The following C1GALT1 variants were observed in gnomAD, a reference collection of about 807,000 sequenced individuals.
C1GALT1 encodes the protein core 1 synthase, glycoprotein-N-acetylgalactosamine 3-beta-galactosyltransferase 1.
Under a neutral mutation model 31.0 loss-of-function variants are expected in C1GALT1, and 11 were observed. The ratio of observed to expected loss-of-function variants is 0.36; its 90% confidence interval spans 0.22 to 0.59. The LOEUF (loss-of-function observed/expected upper bound fraction) is 0.59, where lower values mean the gene tolerates loss of function less well. Ranked by LOEUF, C1GALT1 falls within the 20% of genes least tolerant of loss-of-function variation. The pLI is 0.79. For synonymous variants in C1GALT1, 175 were observed against 143.6 expected, an observed-to-expected ratio of 1.22 and a Z score of -1.56; for missense variants, 424 against 425.2, an observed-to-expected ratio of 1.00 and a Z score of 0.03.
intron 1 of C1GALT1, among the ~76,000 whole-genome samples, chr7:7,192,654 C>T (rs10253167): frequency 0.69 from 105,122 of 151,540 alleles, 37,179 homozygotes; most frequent in East Asian, 0.94. Context: ...ACTTCTTTTT[C>T]TCTGGGTAGA....
rs1357436417 is a variant in C1GALT1 at position 7,246,552 on chromosome 7, G to C, written c.*2825G>C. On this transcript the variant is annotated 3_prime_UTR_variant, in exon 4 of 4. Transcript: ENST00000436587. Reference sequence around the variant, plus strand: ...GCATTCTTACCAGATACCTTGGGCAGTGACTGTCAAAAGTCTGGTCCCAAC... The same window carrying C: ...GCATTCTTACCAGATACCTTGGGCACTGACTGTCAAAAGTCTGGTCCCAAC... The C allele has an allele frequency of 5.9e-5, 9 of 152,108 alleles. No homozygotes were observed. Among genetic ancestry groups the C allele is most frequent in the Non-Finnish European group, 8.8e-5 (6 of 68,026 alleles). The allele number at this position is 152,108 out of a possible 1,614,324, so 9.4% of individuals were successfully genotyped here. A position where few individuals can be genotyped will look rare whatever the true frequency, so the allele number is the denominator to read the frequency against.
chr7:7,162,238 T>A (rs1037619726), intron 2 of C1GALT1, among the ~76,000 whole-genome samples: 4 of 149,164 alleles, frequency 2.7e-5, no homozygotes, highest in African/African-American at 9.9e-5. Flanking sequence ...TAGCATTAGG[T>A]ATATCTCCTA....
chr7:7,212,585 T>A (rs946130118), intron 1 of C1GALT1, among the ~76,000 whole-genome samples: 4 of 152,184 alleles, frequency 2.6e-5, no homozygotes, highest in Non-Finnish European at 5.9e-5. Context: ...TCAACAAGGC[T>A]GTTTATTCAC....
chr7:7,206,649 C>G (rs1042709512), intron 1 of C1GALT1, among the ~76,000 whole-genome samples: 1 of 149,136 alleles, frequency 6.7e-6, no homozygotes, highest in East Asian at 2.0e-4. Flanking sequence ...GCACTCCAGC[C>G]TGGGCAACAA....
At chr7:7,189,229 T>C (rs896844576) in intron 1 of C1GALT1, among the ~76,000 whole-genome samples, 3 of 152,194 alleles carry the variant, frequency 2.0e-5, no homozygotes, top group Non-Finnish European at 4.4e-5. Context: ...AGACGTCTTA[T>C]GGTTATGGCT....
rs1431876090 is a variant in C1GALT1 at position 7,244,239 on chromosome 7, A to G, written c.*512A>G. 2.6e-5 allele frequency: 4 copies of G among 152,268 alleles called. No individual in the cohort carries two copies. The highest frequency in any genetic ancestry group is 9.6e-5 in the African/African-American group (4 of 41,458). 9.4% of individuals were successfully genotyped at this position (152,268 alleles called of 1,614,324 possible). ...ACACCCACACACACAGTTTTTGTCT[A>G]ATGAAAATGTTGCTGTGATTATTTA... is the stretch of plus-strand genomic sequence containing the variant. On this transcript the variant is annotated 3_prime_UTR_variant, in exon 4 of 4. Coordinates refer to ENST00000436587, the MANE Select transcript of C1GALT1 (RefSeq NM_020156.5).
At chr7:7,184,350 A>AT (rs900614624) in intron 1 of C1GALT1, among the ~76,000 whole-genome samples, 21 of 152,158 alleles carry the variant, frequency 1.4e-4, no homozygotes, top group Non-Finnish European at 2.4e-4. Flanking sequence ...TGGAATGTGT[A>AT]TTTTTTTGTA....
intron 2 of C1GALT1, among the ~76,000 whole-genome samples, chr7:7,170,889 G>A (rs989707280): frequency 2.0e-5 from 3 of 152,212 alleles, no homozygotes; most frequent in Non-Finnish European, 4.4e-5. Context: ...GTTTGGTAGT[G>A]TGTAGTTTAA....
Position 7,222,900 on chromosome 7 carries a change from G to GTT in C1GALT1, c.-17-11395_-17-11394dup, listed in dbSNP as rs386409457. On this transcript the variant is annotated intron_variant, in intron 1 of 3. Transcript: ENST00000436587. ...TTCAATCTGTATGACAGGTATGTGAGTTTTTTTTTGGTTTTATGCTTGTGT... is the reference window on the plus strand; with the variant it reads ...TTCAATCTGTATGACAGGTATGTGAGTTTTTTTTTTTGGTTTTATGCTTGTGT... Among the ~76,000 whole-genome samples the GTT allele has an allele frequency of 3.7e-3, 394 of 107,220 alleles. 1 individual carries two copies. Among genetic ancestry groups the GTT allele is most frequent in the African/African-American group, 0.017 (374 of 21,610 alleles). 70.3% of individuals were successfully genotyped at this position (107,220 alleles called of 152,430 possible).
At chr7:7,165,457 T>G (rs1780383298) in intron 2 of C1GALT1, among the ~76,000 whole-genome samples, 1 of 152,166 alleles carries the variant, frequency 6.6e-6, no homozygotes. Flanking sequence ...TGTCCATATT[T>G]GGATTAAAGA....
Position 7,244,541 on chromosome 7 carries a change from G to A in C1GALT1, c.*814G>A, listed in dbSNP as rs1310711648. On this transcript the variant is annotated 3_prime_UTR_variant, in exon 4 of 4. Transcript: ENST00000436587. ...ATATTTGTTCCCAAATTTGCCCATT[G>A]TTCATTATGGGTAACTAATAATAAA... The A allele has an allele frequency of 6.6e-6, 1 of 152,064 alleles. No individual in the cohort carries two copies. Among genetic ancestry groups the A allele is most frequent in the Non-Finnish European group, 1.5e-5 (1 of 67,982 alleles). 9.4% of individuals were successfully genotyped at this position (152,064 alleles called of 1,614,324 possible).
At chr7:7,224,474 G>C (rs1782662174) in intron 1 of C1GALT1, among the ~76,000 whole-genome samples, 1 of 151,894 alleles carries the variant, frequency 6.6e-6, no homozygotes, top group Non-Finnish European at 1.5e-5. Context: ...TCAGGGGCGG[G>C]GGGTGAGGGG....
In C1GALT1 at chr7:7,238,842, G is replaced by A. The variant is rs762988268; in HGVS notation, c.808G>A (p.Val270Met). The change falls in exon 3 of 4, where the codon GTG (valine) becomes ATG (methionine). Residue 270 changes from valine (V) to methionine (M), a missense_variant. By Grantham distance (21) the Val-to-Met change is conservative. Coordinates refer to ENST00000436587, the MANE Select transcript of C1GALT1 (RefSeq NM_020156.5). This position sits in a 1 kb window ranked among gnomAD's most constrained non-coding sequence, Gnocchi z 5.2. ...TGGAAAAGAAACTTTTCATCCCTTT[G>A]TGCCAGAACACCATTTAATTAAAGG... Reference protein sequence around the residue: ...TIGKETFHPFVPEHHLIKGYL... With the variant: ...TIGKETFHPFMPEHHLIKGYL... 6.2e-7 allele frequency: 1 copy of A among 1,613,876 alleles called. No homozygotes were observed. Among genetic ancestry groups the A allele is most frequent in the South Asian group, 1.1e-5 (1 of 91,072 alleles).
At chr7:7,204,285 G>C (rs906304151) in intron 1 of C1GALT1, among the ~76,000 whole-genome samples, 1 of 151,786 alleles carries the variant, frequency 6.6e-6, no homozygotes, top group Non-Finnish European at 1.5e-5. Context: ...TTTTCTGTTT[G>C]TTATTCTGTT....
At chr7:7,159,177 T>C (rs1780305449) in intron 2 of C1GALT1, among the ~76,000 whole-genome samples, 1 of 149,736 alleles carries the variant, frequency 6.7e-6, no homozygotes, top group Non-Finnish European at 1.5e-5. Flanking sequence ...AATGATTGTA[T>C]GCTTTTGGAG....
intron 1 of C1GALT1, among the ~76,000 whole-genome samples, chr7:7,213,231 C>A (rs979476850): frequency 6.6e-6 from 1 of 151,996 alleles, no homozygotes; most frequent in Non-Finnish European, 1.5e-5. Flanking sequence ...GATTATAAAC[C>A]GTCTTTTGAG....
intron 1 of C1GALT1, among the ~76,000 whole-genome samples, chr7:7,190,877 T>C (rs543152214): frequency 1.3e-5 from 2 of 152,282 alleles, no homozygotes; most frequent in African/African-American, 4.8e-5. Flanking sequence ...TTTTTTAAAA[T>C]CTTCCTGTGT....
At chr7:7,190,583 A>G (rs1018359408) in intron 1 of C1GALT1, among the ~76,000 whole-genome samples, 2 of 152,104 alleles carry the variant, frequency 1.3e-5, no homozygotes, top group African/African-American at 2.4e-5. Flanking sequence ...AATTGTTTTC[A>G]TTACCTTTTT....
At chr7:7,193,121 A>G (rs1781145145) in intron 1 of C1GALT1, among the ~76,000 whole-genome samples, 1 of 151,448 alleles carries the variant, frequency 6.6e-6, no homozygotes, top group Non-Finnish European at 1.5e-5. Context: ...TTTACTGATT[A>G]TTTCCTTTGC....
Sources: allele counts gnomAD v4.1 joint callset (sites outside exome capture counted in the v4.1 genomes callset), GRCh38; gene constraint gnomAD v4.1.1; non-coding constraint Gnocchi (gnomAD v3.1); transcripts MANE v1.5; gene names NCBI Gene and HGNC (gene_info 2026-07-23, HGNC 2026-07-21).